The following TAF3 variants were observed in gnomAD, a reference collection of about 807,000 sequenced individuals.
TAF3 encodes TATA-box binding protein associated factor 3, also known as transcription initiation factor TFIID subunit 3.
In TAF3, 7 loss-of-function variants were observed where a neutral mutation model predicts 80.6. That is an observed-to-expected ratio of 0.09 (90% CI 0.05 to 0.16). The LOEUF (loss-of-function observed/expected upper bound fraction) is 0.16, where lower values mean the gene tolerates loss of function less well. Among genes scored for constraint, TAF3 ranks in the 10% least tolerant of loss-of-function variants. The pLI, the probability that TAF3 is intolerant of heterozygous loss-of-function variation, is 1.00. For synonymous variants in TAF3, 444 were observed against 446.1 expected, an observed-to-expected ratio of 1.00 and a Z score of 0.06; for missense variants, 921 against 1,140.2, an observed-to-expected ratio of 0.81 and a Z score of 2.77.
chr10:7,948,235 T>TTTTTC (rs943690527), intron 2 of TAF3, among the ~76,000 whole-genome samples: 2 of 150,636 alleles, frequency 1.3e-5, no homozygotes, highest in South Asian at 2.1e-4. Context: ...ACTAATTTTT[T>TTTTTC]TTTTCTTTTC....
intron 2 of TAF3, among the ~76,000 whole-genome samples, chr10:7,907,266 A>G (rs1837615720): frequency 1.3e-5 from 2 of 152,132 alleles, no homozygotes; most frequent in South Asian, 2.1e-4. Flanking sequence ...CAGGGCTGTC[A>G]TTGGTGCGAC....
intron 4 of TAF3, among the ~76,000 whole-genome samples, chr10:7,991,729 A>G (rs1204000013): frequency 2.0e-5 from 3 of 152,286 alleles, no homozygotes; most frequent in East Asian, 1.9e-4. Flanking sequence ...TTTCCATCCT[A>G]TTTACAAAGT....
intron 2 of TAF3, among the ~76,000 whole-genome samples, chr10:7,851,120 A>G (rs1837022800): frequency 1.3e-5 from 2 of 152,294 alleles, no homozygotes; most frequent in South Asian, 4.1e-4. Flanking sequence ...ACTATGAGAA[A>G]AACATAGAGC....
chr10:7,842,321 A>G (rs546545501), intron 2 of TAF3, among the ~76,000 whole-genome samples: 7 of 151,500 alleles, frequency 4.6e-5, no homozygotes, highest in African/African-American at 1.7e-4. Context: ...CACCACACTC[A>G]ACTAATTTTT....
intron 2 of TAF3, among the ~76,000 whole-genome samples, chr10:7,830,899 G>A (rs746042266): frequency 7.2e-5 from 11 of 152,094 alleles, no homozygotes; most frequent in African/African-American, 1.9e-4. Context: ...TGGATGTTGC[G>A]CATTGTGCAC....
intron 2 of TAF3, among the ~76,000 whole-genome samples, chr10:7,858,832 G>A (rs572089442): frequency 1.4e-4 from 21 of 149,650 alleles, no homozygotes; most frequent in African/African-American, 4.7e-4. Flanking sequence ...GTGTGTGCGC[G>A]CGCCTGCATG....
chr10:7,971,485 A>T (rs1011318645), intron 3 of TAF3, among the ~76,000 whole-genome samples: 1 of 150,858 alleles, frequency 6.6e-6, no homozygotes, highest in African/African-American at 2.4e-5. Context: ...GGAGTTTAAC[A>T]TTAAAAGAAT....
At chr10:8,007,562 T>TTTTA (rs1491164847) in intron 4 of TAF3, among the ~76,000 whole-genome samples, 14 of 60,508 alleles carry the variant, frequency 2.3e-4, no homozygotes, top group African/African-American at 1.1e-3. Flanking sequence ...GTGTGTGAAA[T>TTTTA]TATATATATA....
chr10:7,914,257 C>T (rs80201383), intron 2 of TAF3, among the ~76,000 whole-genome samples: 1,865 of 152,192 alleles, frequency 0.012, 39 homozygotes, highest in African/African-American at 0.043. Context: ...ATCTGATGTC[C>T]GAGATTTGTG....
chr10:7,831,952 G>A (rs1488561856), intron 2 of TAF3, among the ~76,000 whole-genome samples: 2 of 151,726 alleles, frequency 1.3e-5, no homozygotes, highest in Admixed American at 6.6e-5. Context: ...GGTGCAAAGC[G>A]ATGTTATGTT....
chr10:7,910,318 CAACATACA>C (rs1478994689), intron 2 of TAF3, among the ~76,000 whole-genome samples: 1 of 152,082 alleles, frequency 6.6e-6, no homozygotes, highest in Non-Finnish European at 1.5e-5. Context: ...AATACTGCTA[CAACATACA>C]AACATCTAAA....
intron 3 of TAF3, among the ~76,000 whole-genome samples, chr10:7,966,820 C>T (rs958025386): frequency 1.3e-5 from 2 of 152,206 alleles, no homozygotes; most frequent in South Asian, 2.1e-4. Flanking sequence ...TCCCATTTTT[C>T]GCCTACCTTG....
chr10:7,877,864 C>T (rs1428872378), intron 2 of TAF3, among the ~76,000 whole-genome samples: 1 of 152,166 alleles, frequency 6.6e-6, no homozygotes, highest in Non-Finnish European at 1.5e-5. Flanking sequence ...ACCGTTTATA[C>T]ACCGTGTGTG....
chr10:7,943,844 A>G (rs1300485623), intron 2 of TAF3, among the ~76,000 whole-genome samples: 1 of 152,174 alleles, frequency 6.6e-6, no homozygotes, highest in Non-Finnish European at 1.5e-5. Flanking sequence ...ATCTATTACC[A>G]CAGATAGTCA....
intron 2 of TAF3, among the ~76,000 whole-genome samples, chr10:7,866,229 C>CT (rs1837213639): frequency 6.6e-6 from 1 of 152,222 alleles, no homozygotes; most frequent in Non-Finnish European, 1.5e-5. Flanking sequence ...TGCCGTCACT[C>CT]TTCCAGGCAC....
chr10:7,877,201 C>T (rs1001488786), intron 2 of TAF3, among the ~76,000 whole-genome samples: 2 of 152,130 alleles, frequency 1.3e-5, no homozygotes, highest in South Asian at 4.1e-4. Context: ...AATTGTCAGT[C>T]TCCATGAGTC....
At chr10:7,846,141 T>C (rs1243287136) in intron 2 of TAF3, among the ~76,000 whole-genome samples, 1 of 152,018 alleles carries the variant, frequency 6.6e-6, no homozygotes, top group African/African-American at 2.4e-5. Flanking sequence ...TGTGTTTTGG[T>C]AGAGATGGGG....
At chr10:7,852,631 G>C (rs913755884) in intron 2 of TAF3, among the ~76,000 whole-genome samples, 1 of 152,128 alleles carries the variant, frequency 6.6e-6, no homozygotes, top group Non-Finnish European at 1.5e-5. Flanking sequence ...CATAGCTGGG[G>C]GTGTGTAACT....
chr10:8,007,562 TTATATATATATATATA>T (rs34833399), intron 4 of TAF3, among the ~76,000 whole-genome samples: 1,189 of 60,510 alleles, frequency 0.02, 43 homozygotes, highest in Middle Eastern at 0.043. Context: ...GTGTGTGAAA[TTATATATATATATATA>T]TATATATATA....
Sources: gnomAD v4.1 joint callset for allele counts (sites outside exome capture counted in the v4.1 genomes callset) on GRCh38, gnomAD v4.1.1 for gene constraint, MANE v1.5 for transcripts, NCBI Gene and HGNC (gene_info 2026-07-23, HGNC 2026-07-21) for gene names.